Variants in VPS37B observed in about 807,000 individuals in gnomAD.
VPS37B encodes the protein vacuolar protein sorting-associated protein 37B.
A neutral mutation model predicts 21.2 loss-of-function variants in VPS37B; 11 were observed. That is an observed-to-expected ratio of 0.52 (90% confidence interval 0.33 to 0.86). The LOEUF is 0.86. VPS37B is among the 40% of genes least tolerant of loss of function. The pLI is 0.03. For synonymous variants in VPS37B, 175 were observed against 159.6 expected (o/e 1.10, Z -0.73); for missense variants, 389 against 374.8 (o/e 1.04, Z -0.31).
rs1566122395 is a variant in VPS37B, at chr12:122,867,555, T to C, written c.419A>G (p.Asp140Gly). 6 of 1,613,988 alleles carry C rather than the reference T, an allele frequency of 3.7e-6. No individual in the cohort carries two copies. Among genetic ancestry groups the C allele is most frequent in the Non-Finnish European group, 3.4e-6 (4 of 1,180,020 alleles). Residue 140 changes from aspartate to glycine, a missense_variant, in exon 4 of 4, where the codon GAT (aspartate) becomes GGT (glycine). Coordinates refer to ENST00000267202, the MANE Select transcript of VPS37B (RefSeq NM_024667.3). The surrounding 1 kb of genome is among the most constrained non-coding windows in gnomAD (Gnocchi z 5.5). ...CAGTTTCCGTTTGCTCTGATAGACA[T>C]CAATGAAGGAATCCAGAGGAAGTTC... ...DGELPLDSFI[D>G]VYQSKRKLAH...
At chr12:122,894,969 C>A (rs572068308) in intron 1 of VPS37B, among the ~76,000 whole-genome samples, 6 of 152,242 alleles carry the variant, frequency 3.9e-5, no homozygotes, top group African/African-American at 1.4e-4. Context: ...GCCAGCCACA[C>A]TAAATTTCCC....
At chr12:122,895,474 CTTA>C (rs2034478511) in intron 1 of VPS37B, among the ~76,000 whole-genome samples, 1 of 151,354 alleles carries the variant, frequency 6.6e-6, no homozygotes, top group Non-Finnish European at 1.5e-5. Flanking sequence ...CGACTCAGCC[CTTA>C]TTACTCTCCC....
intron 1 of VPS37B, among the ~76,000 whole-genome samples, chr12:122,895,712 G>C (rs1213710024): frequency 6.7e-6 from 1 of 148,524 alleles, no homozygotes; most frequent in African/African-American, 2.5e-5. Flanking sequence ...CCTTTTTCCC[G>C]CCTCCGCCCT....
In VPS37B at chr12:122,867,013, G is replaced by T; in HGVS notation, c.*103C>A. ...AATCAGACAGACACGCTGGCCCAGG[G>T]CCCCAGAGCCCTTGGCACAGAGCGG... On this transcript the variant is annotated 3_prime_UTR_variant, in exon 4 of 4. Coordinates refer to ENST00000267202, the MANE Select transcript of VPS37B (RefSeq NM_024667.3). This position sits in a 1 kb window ranked among gnomAD's most constrained non-coding sequence, Gnocchi z 5.5. The T allele has an allele frequency of 7.3e-7, 1 of 1,365,968 alleles. No individual in the cohort carries two copies. The highest frequency in any genetic ancestry group is 3.3e-5 in the Admixed American group (1 of 29,932). 84.6% of individuals were successfully genotyped at this position (1,365,968 alleles called of 1,614,324 possible).
At position 122,868,461 on chromosome 12, in the gene VPS37B, C is replaced by A. The variant is rs368207843; in HGVS notation, c.366+19G>T. 6.2e-7 allele frequency: 1 copy of A among 1,610,316 alleles called. No homozygotes were observed. Among genetic ancestry groups the A allele is most frequent in the Non-Finnish European group, 8.5e-7 (1 of 1,178,726 alleles). ...GCCCAAAGCGCCCCAAGGATTCCAC[C>A]AAGGCTGGTGGGCTTTACCTCAGTG... On this transcript the variant is annotated intron_variant, in intron 3 of 3. Coordinates refer to ENST00000267202, the MANE Select transcript of VPS37B (RefSeq NM_024667.3). This position sits in a 1 kb window ranked among gnomAD's most constrained non-coding sequence, Gnocchi z 5.5.
intron 1 of VPS37B, chr12:122,876,800 A>C (rs1312733328): frequency 6.6e-6 from 1 of 152,022 alleles, no homozygotes; most frequent in Non-Finnish European, 1.5e-5. Flanking sequence ...GGTAGAAAAT[A>C]AAGTCAGCAA....
At chr12:122,872,837 A>G in intron 1 of VPS37B, 2 of 324,038 alleles carry the variant, frequency 6.2e-6, no homozygotes, top group Non-Finnish European at 8.9e-6. Flanking sequence ...GACTGTTGAG[A>G]GCAACATTTA....
rs968195027 is a variant in VPS37B at position 122,879,708 on chromosome 12, A to G, written c.112-8647T>C. ...CAAAATGACACTTGAGCTCACATCC[A>G]CTCTTTTAATGGTGACCATAAAGCC... On this transcript the variant is annotated intron_variant, in intron 1 of 3. Transcript: ENST00000267202. 9 of 152,054 alleles carry G rather than the reference A, an allele frequency of 5.9e-5. No homozygotes were observed. The South Asian group carries it at 1.7e-3, about 28-fold the overall frequency. 9.4% of individuals were successfully genotyped at this position (152,054 alleles called of 1,614,324 possible).
rs762067579 is a variant in VPS37B, at chr12:122,867,323, T to C, written c.651A>G (p.Gly217=). 3.8e-6 allele frequency: 2 copies of C among 525,574 alleles called. No homozygotes were observed. The highest frequency in any genetic ancestry group is 1.4e-5 in the South Asian group (1 of 69,178). 32.6% of individuals were successfully genotyped at this position (525,574 alleles called of 1,614,324 possible). A position where few individuals can be genotyped will look rare whatever the true frequency, so the allele number is the denominator to read the frequency against. The change falls in exon 4 of 4, where the codon GGA becomes GGG. Residue 217 remains glycine (G), a synonymous_variant. Coordinates refer to ENST00000267202, the MANE Select transcript of VPS37B (RefSeq NM_024667.3). This position sits in a 1 kb window ranked among gnomAD's most constrained non-coding sequence, Gnocchi z 5.5. ...IPPPPPPVPA[G]RLATPFTAAM... ...CCGCAGTAAACGGGGTGGCTAAGCGTCCCGCAGGCACCGGGGGTGGTGGGG... is the reference window on the plus strand; with the variant it reads ...CCGCAGTAAACGGGGTGGCTAAGCGCCCCGCAGGCACCGGGGGTGGTGGGG...
intron 1 of VPS37B, among the ~76,000 whole-genome samples, chr12:122,891,968 T>C (rs1409221873): frequency 6.6e-6 from 1 of 150,578 alleles, no homozygotes; most frequent in Non-Finnish European, 1.5e-5. Context: ...GTGGAATCTT[T>C]AGCAGTAACC....
intron 1 of VPS37B, chr12:122,873,567 C>G (rs1321899269): frequency 6.6e-6 from 1 of 152,206 alleles, no homozygotes; most frequent in Non-Finnish European, 1.5e-5. Context: ...AACAGGAGTG[C>G]TCCCACCCTC....
At chr12:122,869,292 A>G (rs1402179884) in intron 2 of VPS37B, among the ~76,000 whole-genome samples, 1 of 152,212 alleles carries the variant, frequency 6.6e-6, no homozygotes, top group African/African-American at 2.4e-5. Context: ...TCTGTTGGGT[A>G]TACACCCAGG....
chr12:122,869,055 T>A (rs78822601), intron 2 of VPS37B, among the ~76,000 whole-genome samples: 6,900 of 152,212 alleles, frequency 0.045, 542 homozygotes, highest in African/African-American at 0.16. Flanking sequence ...AGAGTACAGG[T>A]CATACTCTCC....
At chr12:122,892,002 C>A (rs1593927381) in intron 1 of VPS37B, among the ~76,000 whole-genome samples, 1 of 40,312 alleles carries the variant, frequency 2.5e-5, no homozygotes, top group East Asian at 5.8e-4. Flanking sequence ...TCAGAAAGCA[C>A]AGTGAAGTAA....
At position 122,867,596 on chromosome 12, in the gene VPS37B, C is replaced by T. The variant is rs1483897325; in HGVS notation, c.378G>A (p.Glu126=). The part of the protein sequence containing the change: ...KIEEDTENMA[E]KFLDGELPLD... ...GAGGAAGTTCTCCATCCAGAAACTT[C>T]TCTGCCATGTTCTGAAAGAGGCAGA... The change falls in exon 4 of 4, where the codon GAG becomes GAA. Residue 126 remains glutamate (E), a synonymous_variant. Transcript: ENST00000267202. This position sits in a 1 kb window ranked among gnomAD's most constrained non-coding sequence, Gnocchi z 5.5. 6.2e-7 allele frequency: 1 copy of T among 1,613,080 alleles called. No individual in the cohort carries two copies. Among genetic ancestry groups the T allele is most frequent in the South Asian group, 1.1e-5 (1 of 91,090 alleles).
chr12:122,890,202 G>A (rs1012819765), intron 1 of VPS37B: 1 of 152,018 alleles, frequency 6.6e-6, no homozygotes, highest in Non-Finnish European at 1.5e-5. Context: ...TACCCACCAA[G>A]TCTGTCTCTT....
intron 1 of VPS37B, chr12:122,881,807 TA>T (rs1001682194): frequency 4.6e-5 from 7 of 152,176 alleles, no homozygotes; most frequent in Non-Finnish European, 5.9e-5. Context: ...ATACCTTTTT[TA>T]AAAAAACCTT....
chr12:122,871,193 C>A (rs1443122087), intron 1 of VPS37B, 132 bp from the exon 2 acceptor site: 18 of 1,432,234 alleles, frequency 1.3e-5, no homozygotes, highest in East Asian at 2.5e-5. Context: ...GCACCGCATG[C>A]CAGGCAGATG....
At chr12:122,876,135 T>C (rs908453267) in intron 1 of VPS37B, 39 of 152,378 alleles carry the variant, frequency 2.6e-4, no homozygotes, top group Admixed American at 2.5e-3. Context: ...AACTTATTTC[T>C]GCCCACCTAT....
Sources: gnomAD v4.1 joint callset for allele counts (sites outside exome capture counted in the v4.1 genomes callset) on GRCh38, gnomAD v4.1.1 for gene constraint, Gnocchi (gnomAD v3.1) non-coding constraint, MANE v1.5 for transcripts, NCBI Gene and HGNC (gene_info 2026-07-23, HGNC 2026-07-21) for gene names.